The following CCDC7 variants were observed in gnomAD, a reference collection of about 807,000 sequenced individuals.
The protein encoded by CCDC7 is coiled-coil domain containing 7, also known as coiled-coil domain-containing protein 7.
A neutral mutation model predicts 196.9 loss-of-function variants in CCDC7; 183 were observed. The ratio of observed to expected loss-of-function variants is 0.93; its 90% CI spans 0.82 to 1.05. The LOEUF (loss-of-function observed/expected upper bound fraction) is 1.05, where lower values mean the gene tolerates loss of function less well. Ranked by LOEUF, CCDC7 falls within the 50% of genes least tolerant of loss-of-function variation. The pLI, the probability that CCDC7 is intolerant of heterozygous loss-of-function variation, is 0.00. For synonymous variants in CCDC7, 525 were observed against 484.6 expected (o/e 1.08, Z -1.10); for missense variants, 1,540 against 1,482.2 (o/e 1.04, Z -0.64).
At chr10:32,869,973 G>A (rs1256150862) in intron 41 of CCDC7, among the ~76,000 whole-genome samples, 1 of 152,110 alleles carries the variant, frequency 6.6e-6, no homozygotes, top group Non-Finnish European at 1.5e-5. Context: ...TTTGGTACCA[G>A]TACCATGCTC....
At chr10:32,817,394 C>G (rs1031828063) in intron 31 of CCDC7, among the ~76,000 whole-genome samples, 1 of 152,180 alleles carries the variant, frequency 6.6e-6, no homozygotes, top group Non-Finnish European at 1.5e-5. Flanking sequence ...GAGAATGGAA[C>G]CAAGTTGGAA....
intron 28 of CCDC7, among the ~76,000 whole-genome samples, chr10:32,743,748 A>C (rs1270486629): frequency 3.9e-5 from 6 of 152,152 alleles, no homozygotes; most frequent in Non-Finnish European, 8.8e-5. Context: ...CCAAATGTCC[A>C]TCAGTGATAG....
At chr10:32,715,114 C>A (rs1290618725) in intron 25 of CCDC7, among the ~76,000 whole-genome samples, 3 of 152,210 alleles carry the variant, frequency 2.0e-5, no homozygotes, top group Non-Finnish European at 4.4e-5. Context: ...AGACACCTCC[C>A]AGCAGGGGTC....
intron 9 of CCDC7, among the ~76,000 whole-genome samples, chr10:32,503,613 GT>G (rs2044413856): frequency 6.6e-6 from 1 of 152,168 alleles, no homozygotes; most frequent in African/African-American, 2.4e-5. Flanking sequence ...GTCTGACTTT[GT>G]TATCAGGGTG....
chr10:32,734,702 C>A (rs2152508), intron 28 of CCDC7, among the ~76,000 whole-genome samples: 1 of 152,038 alleles, frequency 6.6e-6, no homozygotes, highest in Admixed American at 6.5e-5. Context: ...CGAGACCAGC[C>A]TGGGCAATAT....
chr10:32,471,879 G>T (rs574058047), intron 6 of CCDC7, among the ~76,000 whole-genome samples: 5 of 152,118 alleles, frequency 3.3e-5, no homozygotes, highest in African/African-American at 1.2e-4. Flanking sequence ...GTAGATCCTT[G>T]GTTCAAAGAT....
intron 33 of CCDC7, among the ~76,000 whole-genome samples, chr10:32,843,025 A>G (rs574029605): frequency 4.6e-5 from 7 of 152,038 alleles, no homozygotes; most frequent in Admixed American, 4.6e-4. Flanking sequence ...AAATCTCACA[A>G]ATCACCACTA....
At chr10:32,856,112 C>A (rs183822865) in intron 41 of CCDC7, among the ~76,000 whole-genome samples, 141 of 152,230 alleles carry the variant, frequency 9.3e-4, no homozygotes, top group African/African-American at 3.2e-3. Flanking sequence ...AAGAGCTGTA[C>A]TTTAAAACTC....
At chr10:32,873,883 ATCATTTGTTATT>A (rs2094513387) in intron 41 of CCDC7, among the ~76,000 whole-genome samples, 1 of 151,876 alleles carries the variant, frequency 6.6e-6, no homozygotes, top group South Asian at 2.1e-4. Flanking sequence ...TGTCCTTGCC[ATCATTTGTTATT>A]GTCTGTCTGT....
intron 18 of CCDC7, among the ~76,000 whole-genome samples, chr10:32,626,715 G>T (rs2064098301): frequency 6.6e-6 from 1 of 151,852 alleles, no homozygotes; most frequent in African/African-American, 2.4e-5. Flanking sequence ...ATTTTAATGT[G>T]AGTTTAATTT....
chr10:32,644,400 ATAAAATCAACTTTTT>A (rs2067384377), intron 20 of CCDC7, among the ~76,000 whole-genome samples: 1 of 152,188 alleles, frequency 6.6e-6, no homozygotes, highest in South Asian at 2.1e-4. Flanking sequence ...TACTATTTCC[ATAAAATCAACTTTTT>A]TAGATTCCAC....
chr10:32,514,007 TAAAAGTG>T (rs2046642609), intron 9 of CCDC7: 5 of 152,120 alleles, frequency 3.3e-5, no homozygotes, highest in African/African-American at 1.2e-4. Flanking sequence ...GAAAAGGAAA[TAAAAGTG>T]TCTGCATTGG....
chr10:32,592,347 T>TCTTA (rs1243156666), intron 18 of CCDC7, among the ~76,000 whole-genome samples: 1 of 152,084 alleles, frequency 6.6e-6, no homozygotes, highest in Non-Finnish European at 1.5e-5. Context: ...TTATCTCTGA[T>TCTTA]CTTACCTTTA....
intron 20 of CCDC7, among the ~76,000 whole-genome samples, chr10:32,646,229 A>T (rs2067747932): frequency 6.9e-6 from 1 of 144,432 alleles, no homozygotes. Context: ...TTGTATTTTC[A>T]TTTTTCATTT....
chr10:32,753,656 T>C (rs1356486606), intron 28 of CCDC7, among the ~76,000 whole-genome samples: 1 of 152,156 alleles, frequency 6.6e-6, no homozygotes, highest in Non-Finnish European at 1.5e-5. Flanking sequence ...ATGAGATAGT[T>C]TCCTTGAACC....
At chr10:32,823,274 C>T (rs2090566631) in intron 31 of CCDC7, among the ~76,000 whole-genome samples, 2 of 151,998 alleles carry the variant, frequency 1.3e-5, no homozygotes, top group South Asian at 4.2e-4. Flanking sequence ...TCCTAAGTAG[C>T]TGGGACTAAG....
At chr10:32,448,454 T>A (rs902378357), upstream of CCDC7, among the ~76,000 whole-genome samples, 7 of 152,110 alleles carry the variant, frequency 4.6e-5, no homozygotes, top group Non-Finnish European at 1.0e-4. Flanking sequence ...CATCAACAAT[T>A]GTTATCTGCT....
At chr10:32,571,891 G>A in exon 16 of CCDC7, 5 of 1,569,476 alleles carry the variant, frequency 3.2e-6, no homozygotes, top group Non-Finnish European at 4.3e-6. Context: ...TGATTGAAAA[G>A]AGGTAAAACA....
rs776563440 is a variant in CCDC7 at position 32,518,408 on chromosome 10, G to GT, written c.904-3dup. 1 of 1,586,352 alleles carries GT rather than the reference G, an allele frequency of 6.3e-7. No individual in the cohort carries two copies. Among genetic ancestry groups the GT allele is most frequent in the South Asian group, 1.2e-5 (1 of 85,316 alleles). On this transcript the variant is annotated splice_polypyrimidine_tract_variant and splice_region_variant and intron_variant, in intron 10 of 41. Coordinates refer to ENST00000639629, the Ensembl canonical transcript of CCDC7. ...CTCTTCATTATTACTAAAATTATTT[G>GT]TTTTTAGGAATACAAACAGATGCAG...
Sources: allele counts gnomAD v4.1 joint callset (sites outside exome capture counted in the v4.1 genomes callset), GRCh38; gene constraint gnomAD v4.1.1; transcripts MANE v1.5; gene names NCBI Gene and HGNC (gene_info 2026-07-23, HGNC 2026-07-21).